The following TECPR2 variants were observed in gnomAD, a reference collection of about 807,000 sequenced individuals.
TECPR2 encodes the protein tectonin beta-propeller repeat containing 2, also known as tectonin beta-propeller repeat-containing protein 2.
TECPR2 carries 65 observed loss-of-function variants against 138.1 expected under a neutral mutation model. The observed-to-expected ratio is 0.47, with a 90% CI of 0.39 to 0.58. The LOEUF (loss-of-function observed/expected upper bound fraction) is 0.58. TECPR2 is among the 20% of genes least tolerant of loss of function. TECPR2 has a pLI of 0.00. For missense variants in TECPR2, 1,553 were observed against 1,824.5 expected, an observed-to-expected ratio of 0.85 and a Z score of 2.71; for synonymous variants, 746 against 749.8, an observed-to-expected ratio of 0.99 and a Z score of 0.08.
rs1889601947 is a variant in TECPR2 at position 102,434,549 on chromosome 14, G to A, written c.1732G>A (p.Gly578Arg). The part of the protein sequence containing the change: ...TEMPHCHHAH[G>R]RELLNGARED... ...AATGCCACACTGTCACCATGCACAT[G>A]GGCGGGAGCTGCTCAATGGAGCGAG... is the stretch of plus-strand genomic sequence containing the variant. Residue 578 changes from glycine (G) to arginine (R), a missense_variant, in exon 9 of 20, where the codon GGG (glycine) becomes AGG (arginine). Transcript: ENST00000359520. 6.4e-7 allele frequency: 1 copy of A among 1,550,860 alleles called. No homozygotes were observed.
At chr14:102,455,411 C>A (rs1223092759) in intron 16 of TECPR2, among the ~76,000 whole-genome samples, 2 of 152,200 alleles carry the variant, frequency 1.3e-5, no homozygotes, top group African/African-American at 4.8e-5. Context: ...GCTCTGGACT[C>A]TGGGCAAGCT....
intron 2 of TECPR2, among the ~76,000 whole-genome samples, chr14:102,395,441 A>G (rs1354785912): frequency 6.6e-6 from 1 of 152,270 alleles, no homozygotes; most frequent in Middle Eastern, 3.2e-3. Flanking sequence ...TCAAAATAAA[A>G]AAGACCACTC....
rs1329223460 is a variant in TECPR2 at position 102,502,320 on chromosome 14, G to A, written c.*4063G>A. ...GTTTGAAATTTTTCATAACTCCGGG[G>A]AGGAGCAAGAGGGGTGAAAAGAAAC... On this transcript the variant is annotated 3_prime_UTR_variant, in exon 20 of 20. Transcript: ENST00000359520. 2 of 152,642 alleles carry A rather than the reference G, an allele frequency of 1.3e-5. No individual in the cohort carries two copies. Among genetic ancestry groups the A allele is most frequent in the Admixed American group, 6.5e-5 (1 of 15,280 alleles). The allele number at this position is 152,642 out of a possible 1,614,324, so 9.5% of individuals were successfully genotyped here.
chr14:102,465,021 C>CAATT (rs1890517273), intron 16 of TECPR2, 120 bp from the exon 17 acceptor site: 2 of 1,249,302 alleles, frequency 1.6e-6, no homozygotes, highest in African/African-American at 3.0e-5. Context: ...TGTCCAAGTT[C>CAATT]AATTGCAAAT....
intron 17 of TECPR2, among the ~76,000 whole-genome samples, chr14:102,494,777 T>A (rs1341056131): frequency 7.0e-6 from 1 of 142,360 alleles, no homozygotes; most frequent in Non-Finnish European, 1.5e-5. Context: ...TGAGCCAAGA[T>A]CACACCATTG....
chr14:102,427,266 A>G (rs897701114), intron 6 of TECPR2, among the ~76,000 whole-genome samples: 29 of 152,208 alleles, frequency 1.9e-4, no homozygotes, highest in African/African-American at 7.0e-4. Flanking sequence ...AGTAGCATCA[A>G]GATGCTTTGT....
At chr14:102,447,115 G>A (rs1387507309) in intron 13 of TECPR2, among the ~76,000 whole-genome samples, 3 of 152,152 alleles carry the variant, frequency 2.0e-5, no homozygotes, top group African/African-American at 7.2e-5. Flanking sequence ...TGTGTGATTT[G>A]GTCCCAGCAA....
At chr14:102,405,761 A>G (rs1321379695) in intron 2 of TECPR2, among the ~76,000 whole-genome samples, 1 of 152,238 alleles carries the variant, frequency 6.6e-6, no homozygotes, top group Admixed American at 6.5e-5. Flanking sequence ...AGTAGTTAAA[A>G]TGGGGAAGCA....
chr14:102,421,405 GAT>G, intron 5 of TECPR2, among the ~76,000 whole-genome samples: 1 of 152,342 alleles, frequency 6.6e-6, no homozygotes, highest in South Asian at 2.1e-4. Context: ...AGCTGAATTT[GAT>G]ATATAATATC....
chr14:102,375,165 C>T (rs1887612577), intron 1 of TECPR2, among the ~76,000 whole-genome samples: 5 of 151,882 alleles, frequency 3.3e-5, no homozygotes, highest in Admixed American at 2.6e-4. Flanking sequence ...GGCAACACAG[C>T]GAGACCTCAT....
At position 102,465,171 on chromosome 14, in the gene TECPR2, G is replaced by A. The variant is rs1405143902; in HGVS notation, c.3671G>A (p.Gly1224Glu). ...GAVKLTSLAC[G>E]NQHIWACDSR... ...GTAAAATTGACAAGCTTGGCATGTG[G>A]AAATCAGCACATCTGGGCCTGTGAT... The change falls in exon 17 of 20, where the codon GGA (glycine) becomes GAA (glutamate). Residue 1224 changes from glycine (G) to glutamate (E), a missense_variant. By Grantham distance (98) the Gly-to-Glu change is moderately conservative. Transcript: ENST00000359520. The A allele has an allele frequency of 6.2e-7, 1 of 1,614,216 alleles. No homozygotes were observed. Among genetic ancestry groups the A allele is most frequent in the Non-Finnish European group, 8.5e-7 (1 of 1,180,042 alleles).
chr14:102,371,207 C>G (rs1887499464), intron 1 of TECPR2, among the ~76,000 whole-genome samples: 1 of 151,996 alleles, frequency 6.6e-6, no homozygotes, highest in Non-Finnish European at 1.5e-5. Flanking sequence ...GGGTCTGAGA[C>G]CTGGGGGTTG....
chr14:102,431,593 T>G, intron 7 of TECPR2, among the ~76,000 whole-genome samples: 1 of 152,142 alleles, frequency 6.6e-6, no homozygotes, highest in East Asian at 1.9e-4. Context: ...CCGCCCGCCT[T>G]GGCCTCCCAA....
chr14:102,369,372 T>C (rs543110133), intron 1 of TECPR2, among the ~76,000 whole-genome samples: 2 of 152,252 alleles, frequency 1.3e-5, no homozygotes, highest in African/African-American at 4.8e-5. Context: ...AAAAATATTT[T>C]TATTTTTAAA....
At chr14:102,431,597 C>T (rs953647715) in intron 7 of TECPR2, among the ~76,000 whole-genome samples, 199 bp from the exon 8 acceptor site, 11 of 152,158 alleles carry the variant, frequency 7.2e-5, no homozygotes, top group Non-Finnish European at 1.6e-4. Flanking sequence ...CCGCCTTGGC[C>T]TCCCAAAGTG....
At chr14:102,431,615 T>G (rs527940401) in intron 7 of TECPR2, among the ~76,000 whole-genome samples, 181 bp from the exon 8 acceptor site, 10 of 152,326 alleles carry the variant, frequency 6.6e-5, no homozygotes, top group Non-Finnish European at 1.2e-4. Flanking sequence ...GTGCTGGGAT[T>G]ACAGGCGTGA....
intron 2 of TECPR2, among the ~76,000 whole-genome samples, chr14:102,384,658 T>C (rs1887940960): frequency 6.9e-6 from 1 of 144,464 alleles, no homozygotes; most frequent in African/African-American, 2.5e-5. Context: ...GCCTGGGTGA[T>C]GGAGCAAGAC....
intron 17 of TECPR2, among the ~76,000 whole-genome samples, chr14:102,491,586 T>A (rs543027812): frequency 6.6e-6 from 1 of 152,320 alleles, no homozygotes; most frequent in Admixed American, 6.5e-5. Context: ...TCCCTCAGCC[T>A]GAAGCCTGCC....
In TECPR2 at chr14:102,443,057, C is replaced by A. The variant is rs547190486; in HGVS notation, c.2753-590C>A. On this transcript the variant is annotated intron_variant, in intron 11 of 19. Coordinates refer to ENST00000359520, the MANE Select transcript of TECPR2 (RefSeq NM_014844.5). This position sits in a 1 kb window ranked among gnomAD's most constrained non-coding sequence, Gnocchi z 4.9. The stretch of plus-strand genomic sequence containing the variant: ...AGTGGAACCTCGCACCCAGTCAGAG[C>A]AGAGAGGAGCCGCCGTGCTGGAGCT... Among the ~76,000 whole-genome samples the A allele has an allele frequency of 2.0e-5, 3 of 152,338 alleles. No homozygotes were observed. In the South Asian group the frequency reaches 6.2e-4, roughly 32 times the overall value.
Sources: gnomAD v4.1 joint callset for allele counts (sites outside exome capture counted in the v4.1 genomes callset) on GRCh38, gnomAD v4.1.1 for gene constraint, Gnocchi (gnomAD v3.1) non-coding constraint, MANE v1.5 for transcripts, NCBI Gene and HGNC (gene_info 2026-07-23, HGNC 2026-07-21) for gene names.